SEC23B: variants seen among roughly 807,000 people sequenced by gnomAD.
The protein encoded by SEC23B is SEC23 homolog B, COPII component.
Under a neutral mutation model 104.3 loss-of-function variants are expected in SEC23B, and 77 were observed. The observed-to-expected ratio is 0.74, with a 90% CI of 0.61 to 0.89. The LOEUF (loss-of-function observed/expected upper bound fraction) is 0.89, where lower values mean the gene tolerates loss of function less well. Ranked by LOEUF, SEC23B falls within the 40% of genes least tolerant of loss-of-function variation. SEC23B has a pLI of 0.00. For missense variants in SEC23B, 885 were observed against 949.4 expected, an observed-to-expected ratio of 0.93 and a Z score of 0.89; for synonymous variants, 338 against 332.5, an observed-to-expected ratio of 1.02 and a Z score of -0.18.
At chr20:18,518,582 G>GTTTTTTTTTTTTGTTTTTT (rs2060052950) in intron 4 of SEC23B, among the ~76,000 whole-genome samples, 1 of 92,658 alleles carries the variant, frequency 1.1e-5, no homozygotes, top group Admixed American at 1.5e-4. Context: ...CTGGAAGGAG[G>GTTTTTTTTTTTTGTTTTTT]TTTTTTTTTT....
intron 4 of SEC23B, among the ~76,000 whole-genome samples, chr20:18,523,646 C>T (rs1438497701): frequency 2.0e-5 from 3 of 151,450 alleles, no homozygotes; most frequent in Admixed American, 6.6e-5. Context: ...CGTGATCCAC[C>T]TGTCTTGGCC....
intron 5 of SEC23B, 97 bp from the exon 6 acceptor site, chr20:18,524,838 A>C (rs2060120214): frequency 7.2e-7 from 1 of 1,383,310 alleles, no homozygotes; most frequent in Admixed American, 1.8e-5. Flanking sequence ...GACTAGAGGC[A>C]CATGCCACCA....
chr20:18,523,918 T>C (rs2060109673), intron 4 of SEC23B, among the ~76,000 whole-genome samples: 1 of 152,128 alleles, frequency 6.6e-6, no homozygotes, highest in African/African-American at 2.4e-5. Flanking sequence ...GGTCTCGCCA[T>C]GTTGGCAGCC....
chr20:18,507,658 G>A (rs1214437008), upstream of SEC23B: 1 of 152,302 alleles, frequency 6.6e-6, no homozygotes, highest in African/African-American at 2.4e-5. Context: ...CGCTGGCTGC[G>A]CTTAGGCAAC....
intron 19 of SEC23B, 131 bp downstream of exon 19, chr20:18,555,304 G>C (rs2060426159): frequency 1.1e-5 from 8 of 753,742 alleles, no homozygotes; most frequent in Non-Finnish European, 1.8e-5. Flanking sequence ...TTTTGCTGGG[G>C]AGTGGCGGGG....
At chr20:18,537,291 G>A (rs374051850) in intron 12 of SEC23B, among the ~76,000 whole-genome samples, 2 of 151,802 alleles carry the variant, frequency 1.3e-5, no homozygotes, top group East Asian at 3.9e-4. Context: ...ACATGCACAC[G>A]TATGTTTATT....
At chr20:18,543,277 A>T (rs184478634) in intron 14 of SEC23B, 105 bp downstream of exon 14, 1 of 1,410,370 alleles carries the variant, frequency 7.1e-7, no homozygotes, top group Non-Finnish European at 1.0e-6. Context: ...GCAAGAATTT[A>T]TCAGTTGCCT....
At chr20:18,532,095 T>G (rs3818217) in intron 10 of SEC23B, among the ~76,000 whole-genome samples, 55,496 of 152,040 alleles carry the variant, frequency 0.37, 10,795 homozygotes, top group South Asian at 0.46. Flanking sequence ...ACGATTGGAA[T>G]TATTACTTGG....
intron 17 of SEC23B, among the ~76,000 whole-genome samples, chr20:18,553,593 T>C (rs1296431446): frequency 6.6e-6 from 1 of 152,218 alleles, no homozygotes; most frequent in Non-Finnish European, 1.5e-5. Context: ...GGAAGGGTGA[T>C]AAAATGTGTA....
intron 2 of SEC23B, 110 bp downstream of exon 2, chr20:18,511,166 G>C: frequency 1.2e-6 from 1 of 846,680 alleles, no homozygotes; most frequent in Non-Finnish European, 2.0e-6. Context: ...TTTGTGATAA[G>C]TAGTAGATGA....
intron 3 of SEC23B, among the ~76,000 whole-genome samples, chr20:18,512,717 C>CT (rs1352529219): frequency 1.3e-5 from 2 of 152,134 alleles, no homozygotes; most frequent in Non-Finnish European, 2.9e-5. Flanking sequence ...AAGTACCAAA[C>CT]TAGAAGGAGC....
At chr20:18,509,912 C>T (rs2059966653) in intron 1 of SEC23B, 1 of 152,158 alleles carries the variant, frequency 6.6e-6, no homozygotes, top group African/African-American at 2.4e-5. Context: ...AAGGCATGAA[C>T]ATAAGCAACC....
intron 12 of SEC23B, among the ~76,000 whole-genome samples, chr20:18,536,940 T>C (rs1261017008): frequency 6.6e-6 from 1 of 152,200 alleles, no homozygotes; most frequent in Non-Finnish European, 1.5e-5. Flanking sequence ...GTCTTCATAC[T>C]CTCATCTTCA....
intron 2 of SEC23B, 60 bp downstream of exon 2, chr20:18,511,116 G>A: frequency 7.3e-7 from 1 of 1,376,850 alleles, no homozygotes; most frequent in Non-Finnish European, 1.0e-6. Flanking sequence ...AATTTTATGT[G>A]ATGCTCATAA....
intron 19 of SEC23B, among the ~76,000 whole-genome samples, chr20:18,555,459 G>A (rs576653050): frequency 8.3e-4 from 126 of 152,008 alleles, no homozygotes; most frequent in African/African-American, 2.9e-3. Context: ...GGTGTCCTCC[G>A]TCACACAGCC....
rs2060116077 is a variant in SEC23B, at chr20:18,524,502, G to A, written c.436G>A (p.Ala146Thr). 6.2e-7 allele frequency: 1 copy of A among 1,614,138 alleles called. No individual in the cohort carries two copies. Among genetic ancestry groups the A allele is most frequent in the Non-Finnish European group, 8.5e-7 (1 of 1,180,022 alleles). ...DTCLEEDDLQ[A>T]LKESLQMSLS... is the part of the protein sequence containing the mutation. ...ATGCCTGGAGGAAGATGACCTTCAA[G>A]CACTCAAAGAGTCCCTGCAGATGTC... Residue 146 changes from alanine to threonine, a missense_variant, in exon 5 of 20, where the codon GCA becomes ACA. Coordinates refer to ENST00000650089, the MANE Select transcript of SEC23B (RefSeq NM_006363.6).
At chr20:18,532,586 A>G (rs750339467) in intron 10 of SEC23B, 78 bp from the exon 11 acceptor site, 13 of 1,017,518 alleles carry the variant, frequency 1.3e-5, no homozygotes, top group Non-Finnish European at 1.3e-5. Context: ...TTTCCCTCTA[A>G]GCTTTCATTG....
chr20:18,527,598 G>A lies in SEC23B; in HGVS notation c.1096G>A (p.Ala366Thr). 1 of 1,600,434 alleles carries A rather than the reference G, an allele frequency of 6.2e-7. No individual in the cohort carries two copies. Among genetic ancestry groups the A allele is most frequent in the African/African-American group, 1.3e-5 (1 of 74,716 alleles). The change falls in exon 9 of 20, where the codon GCA (alanine) becomes ACA (threonine). Residue 366 changes from alanine (A) to threonine (T), a missense_variant. By Grantham distance (58) the Ala-to-Thr change is moderately conservative. Transcript: ENST00000650089. The stretch of plus-strand genomic sequence containing the variant: ...TGGACTTTTGGAGATGAAGTGTTGT[G>A]CAAATCTTACTGGGTATGTTGACAG... ...QTGLLEMKCC[A>T]NLTGGYMVMG... is the part of the protein sequence containing the mutation.
chr20:18,554,503 C>G, intron 18 of SEC23B, 113 bp downstream of exon 18: 1 of 1,350,790 alleles, frequency 7.4e-7, no homozygotes, highest in Non-Finnish European at 1.1e-6. Flanking sequence ...AATTGACACA[C>G]AGGTAATCTT....
Sources: gnomAD v4.1 joint callset for allele counts (sites outside exome capture counted in the v4.1 genomes callset) on GRCh38, gnomAD v4.1.1 for gene constraint, MANE v1.5 for transcripts, NCBI Gene and HGNC (gene_info 2026-07-23, HGNC 2026-07-21) for gene names.